Variants in MEI4 observed in about 807,000 individuals in gnomAD.
The protein encoded by MEI4 is meiosis-specific protein MEI4.
A neutral mutation model predicts 31.4 loss-of-function variants in MEI4; 27 were observed. The observed-to-expected ratio is 0.86, with a 90% CI of 0.63 to 1.19. MEI4 has a LOEUF of 1.19. Among genes scored for constraint, MEI4 ranks in the 50% most tolerant of loss-of-function variants. The pLI, the probability that MEI4 is intolerant of heterozygous loss-of-function variation, is 0.00. For synonymous variants in MEI4, 122 were observed against 145.4 expected, an observed-to-expected ratio of 0.84 and a Z score of 1.16; for missense variants, 329 against 398.9, an observed-to-expected ratio of 0.82 and a Z score of 1.49.
intron 4 of MEI4, among the ~76,000 whole-genome samples, chr6:77,872,127 G>A (rs1283508464): frequency 1.3e-5 from 2 of 152,156 alleles, no homozygotes; most frequent in Non-Finnish European, 2.9e-5. Flanking sequence ...ATCGTGTGCA[G>A]TGTTCCCAGG....
upstream of MEI4, among the ~76,000 whole-genome samples, chr6:77,651,979 A>G (rs1432674006): frequency 1.3e-5 from 2 of 152,206 alleles, no homozygotes; most frequent in African/African-American, 4.8e-5. Context: ...TTAGCAGTCC[A>G]TTGGATATTG....
chr6:77,674,941 T>C lies in MEI4; in HGVS notation c.-14-15717T>C, dbSNP rs138263948. ...TTAATTACCTAAATTATATGCATTTTAATACCTTTTTTCTTTTAACTGTGA... is the reference window on the plus strand; with the variant it reads ...TTAATTACCTAAATTATATGCATTTCAATACCTTTTTTCTTTTAACTGTGA... On this transcript the variant is annotated intron_variant, in intron 1 of 4. Transcript: ENST00000684080. 1.8e-3 allele frequency among the ~76,000 whole-genome samples: 277 copies of C among 152,168 alleles called. 8 individuals are homozygous for C. In the East Asian group the frequency reaches 0.044, roughly 24 times the overall value.
At chr6:77,736,276 C>A (rs1451636750) in intron 2 of MEI4, among the ~76,000 whole-genome samples, 2 of 152,008 alleles carry the variant, frequency 1.3e-5, no homozygotes, top group African/African-American at 4.8e-5. Flanking sequence ...GCTGTGCTAG[C>A]AATCAGCAAG....
intron 2 of MEI4, among the ~76,000 whole-genome samples, chr6:77,696,537 C>G (rs1289717939): frequency 6.6e-6 from 1 of 151,628 alleles, no homozygotes; most frequent in Non-Finnish European, 1.5e-5. Context: ...TGGTTTTTGT[C>G]TTTGGTTCTG....
chr6:77,791,768 T>A (rs1768943409), intron 3 of MEI4, among the ~76,000 whole-genome samples: 1 of 152,140 alleles, frequency 6.6e-6, no homozygotes, highest in South Asian at 2.1e-4. Context: ...TACCATACCT[T>A]TTTTGGTGAG....
At chr6:77,699,148 T>A (rs1766138705) in intron 2 of MEI4, among the ~76,000 whole-genome samples, 1 of 151,980 alleles carries the variant, frequency 6.6e-6, no homozygotes, top group Non-Finnish European at 1.5e-5. Flanking sequence ...TCTGCACTGG[T>A]TATTCTAGTT....
intron 1 of MEI4, among the ~76,000 whole-genome samples, chr6:77,672,714 A>G (rs1362219370): frequency 6.6e-6 from 1 of 152,042 alleles, no homozygotes; most frequent in Admixed American, 6.6e-5. Context: ...TAATTTTTGT[A>G]TTTTTAGTAG....
At chr6:77,661,067 C>T (rs560425802) in intron 1 of MEI4, among the ~76,000 whole-genome samples, 1 of 152,058 alleles carries the variant, frequency 6.6e-6, no homozygotes, top group Non-Finnish European at 1.5e-5. Context: ...CAAGAAAGTG[C>T]GTCCATATAA....
At chr6:77,744,964 A>C (rs941554824) in intron 2 of MEI4, among the ~76,000 whole-genome samples, 4 of 152,230 alleles carry the variant, frequency 2.6e-5, no homozygotes, top group African/African-American at 9.6e-5. Flanking sequence ...GAGCTCCTGA[A>C]GGAAGCACTA....
chr6:77,827,251 A>C (rs2127710719), intron 3 of MEI4, among the ~76,000 whole-genome samples: 1 of 150,822 alleles, frequency 6.6e-6, no homozygotes, highest in African/African-American at 2.4e-5. Flanking sequence ...TCCCAGCTAC[A>C]TTGGGAGGCT....
rs1352637859 is a variant in MEI4, at chr6:77,690,783, A to G, written c.112A>G (p.Met38Val). Residue 38 changes from methionine (M) to valine (V), a missense_variant, in exon 2 of 5, where the codon ATG (methionine) becomes GTG (valine). Physicochemically the swap from Met to Val is conservative, Grantham distance 21. Coordinates refer to ENST00000684080, the MANE Select transcript of MEI4 (RefSeq NM_001322247.2). ...SSREYTEHLA[M>V]LLSEEQSKWR... is the part of the protein sequence containing the mutation. ...CAGAGAATACACAGAGCACCTTGCT[A>G]TGTTGCTGTCTGAGGAGCAGTCAAA... 21 of 1,231,524 alleles carry G rather than the reference A, an allele frequency of 1.7e-5. No individual in the cohort carries two copies. Among genetic ancestry groups the G allele is most frequent in the Non-Finnish European group, 1.6e-5 (16 of 987,388 alleles). The allele number at this position is 1,231,524 out of a possible 1,614,324, so 76.3% of individuals were successfully genotyped here. A position where few individuals can be genotyped will look rare whatever the true frequency, so the allele number is the denominator to read the frequency against.
intron 4 of MEI4, among the ~76,000 whole-genome samples, chr6:77,833,839 T>C (rs1252670475): frequency 6.6e-6 from 1 of 152,174 alleles, no homozygotes; most frequent in Non-Finnish European, 1.5e-5. Context: ...CCTGGGTCCA[T>C]GTGTTCTCAT....
chr6:77,768,053 C>G (rs1342844075), intron 3 of MEI4, among the ~76,000 whole-genome samples: 4 of 152,154 alleles, frequency 2.6e-5, no homozygotes, highest in African/African-American at 9.7e-5. Context: ...GACAACAACT[C>G]TGTGTCATGG....
intron 2 of MEI4, among the ~76,000 whole-genome samples, chr6:77,757,805 C>A (rs1429168080): frequency 6.6e-6 from 1 of 152,070 alleles, no homozygotes; most frequent in African/African-American, 2.4e-5. Context: ...AAGTTAATGT[C>A]TTGAGAAGTC....
At chr6:77,773,172 C>T (rs548399800) in intron 3 of MEI4, among the ~76,000 whole-genome samples, 72 of 151,974 alleles carry the variant, frequency 4.7e-4, no homozygotes, top group African/African-American at 1.3e-3. Context: ...TGGCATTTTT[C>T]ACCAGAATAG....
chr6:77,768,763 G>A lies in MEI4; in HGVS notation c.768+7098G>A, dbSNP rs186724457. Among the ~76,000 whole-genome samples, 34 of 151,728 alleles carry A rather than the reference G, an allele frequency of 2.2e-4. 2 individuals carry two copies. In the East Asian group the frequency reaches 3.5e-3, roughly 16 times the overall value. ...GAAAAGGAAGGTCCTGTTCTGTGGT[G>A]CAATATAGGATCACCTGTTTCTTGT... On this transcript the variant is annotated intron_variant, in intron 3 of 4. Coordinates refer to ENST00000684080, the MANE Select transcript of MEI4 (RefSeq NM_001322247.2).
intron 4 of MEI4, among the ~76,000 whole-genome samples, chr6:77,882,280 C>G (rs67444686): frequency 0.14 from 21,350 of 152,146 alleles, 1,780 homozygotes; most frequent in East Asian, 0.39. Context: ...CTACACCAAA[C>G]CTGGTGTTTC....
intron 2 of MEI4, among the ~76,000 whole-genome samples, chr6:77,735,050 C>G (rs1207962385): frequency 6.6e-6 from 1 of 152,076 alleles, no homozygotes; most frequent in African/African-American, 2.4e-5. Flanking sequence ...GTACCTTTCT[C>G]TCTGGCTGCC....
At chr6:77,697,522 G>C (rs1450506250) in intron 2 of MEI4, among the ~76,000 whole-genome samples, 1 of 152,092 alleles carries the variant, frequency 6.6e-6, no homozygotes, top group Non-Finnish European at 1.5e-5. Flanking sequence ...ATTTCGTTAT[G>C]TACCCAGTAG....
Sources: allele counts gnomAD v4.1 joint callset (sites outside exome capture counted in the v4.1 genomes callset), GRCh38; gene constraint gnomAD v4.1.1; transcripts MANE v1.5; gene names NCBI Gene and HGNC (gene_info 2026-07-23, HGNC 2026-07-21).